Variants in SLC5A11 observed in about 807,000 individuals in gnomAD.
The protein encoded by SLC5A11 is solute carrier family 5 member 11.
SLC5A11 carries 48 observed loss-of-function variants against 69.8 expected under a neutral mutation model. The observed-to-expected ratio is 0.69, with a 90% CI of 0.55 to 0.87. SLC5A11 has a LOEUF of 0.87. Among genes scored for constraint, SLC5A11 ranks in the 40% least tolerant of loss-of-function variants. The pLI is 0.00. For missense variants in SLC5A11, 784 were observed against 866.1 expected (o/e 0.91, Z 1.19); for synonymous variants, 319 against 342.4 (o/e 0.93, Z 0.75).
rs1379401318 is a variant in SLC5A11, at chr16:24,906,861, C to T, written c.1114+97C>T. 2.2e-6 allele frequency: 3 copies of T among 1,389,550 alleles called. No homozygotes were observed. The African/African-American group carries it at 4.3e-5, about 20-fold the overall frequency. The allele number at this position is 1,389,550 out of a possible 1,614,324, so 86.1% of individuals were successfully genotyped here. ...CCAAGGCAGGGTCAAGAAAGGAGGG[C>T]TGGTGGGGGAGGAAGACTCTGGGCT... is the stretch of plus-strand genomic sequence containing the variant. On this transcript the variant is annotated intron_variant, in intron 11 of 15. Transcript: ENST00000347898.
chr16:24,898,435 C>G (rs1012365411), intron 10 of SLC5A11, among the ~76,000 whole-genome samples: 2 of 151,928 alleles, frequency 1.3e-5, no homozygotes, highest in African/African-American at 4.8e-5. Context: ...GTCTTGAACT[C>G]CTGGCCTCAA....
At chr16:24,876,450 G>A (rs2047680026) in intron 6 of SLC5A11, among the ~76,000 whole-genome samples, 1 of 152,136 alleles carries the variant, frequency 6.6e-6, no homozygotes, top group South Asian at 2.1e-4. Context: ...CTTTGGATGG[G>A]CAGATCTCCT....
At chr16:24,905,640 G>GCGCACGCACACACA (rs1443035551) in intron 10 of SLC5A11, among the ~76,000 whole-genome samples, 1 of 136,698 alleles carries the variant, frequency 7.3e-6, no homozygotes, top group African/African-American at 2.8e-5. Flanking sequence ...GCGCGCGCGC[G>GCGCACGCACACACA]CACACACACA....
chr16:24,854,043 G>A (rs988991255), intron 1 of SLC5A11, among the ~76,000 whole-genome samples: 3 of 151,960 alleles, frequency 2.0e-5, no homozygotes, highest in African/African-American at 4.8e-5. Flanking sequence ...TGCCAGTTTC[G>A]CCGGCTGTGG....
chr16:24,883,044 TACTC>T (rs1186625875), intron 7 of SLC5A11, among the ~76,000 whole-genome samples: 7 of 152,136 alleles, frequency 4.6e-5, no homozygotes, highest in African/African-American at 1.7e-4. Context: ...GAATACCTAA[TACTC>T]ACATCCTTTA....
At chr16:24,887,870 G>C (rs2152353745) in intron 8 of SLC5A11, among the ~76,000 whole-genome samples, 1 of 152,180 alleles carries the variant, frequency 6.6e-6, no homozygotes, top group Admixed American at 6.6e-5. Flanking sequence ...ATAAACGGGG[G>C]ATAAGTAATT....
intron 12 of SLC5A11, among the ~76,000 whole-genome samples, chr16:24,907,571 G>A (rs2152420435): frequency 6.6e-6 from 1 of 152,186 alleles, no homozygotes; most frequent in Non-Finnish European, 1.5e-5. Flanking sequence ...AATTAGCTGT[G>A]GTGGCGTGTG....
At chr16:24,884,840 A>C (rs953668425) in intron 8 of SLC5A11, among the ~76,000 whole-genome samples, 2 of 152,036 alleles carry the variant, frequency 1.3e-5, no homozygotes, top group Non-Finnish European at 2.9e-5. Flanking sequence ...TCCTGGGCTC[A>C]AGCAATCCTC....
intron 8 of SLC5A11, among the ~76,000 whole-genome samples, chr16:24,886,846 G>T (rs2152350855): frequency 6.6e-6 from 1 of 152,220 alleles, no homozygotes; most frequent in East Asian, 1.9e-4. Context: ...GGGGACTGGA[G>T]GATCAGGGAG....
chr16:24,872,616 C>T (rs1452015685), intron 5 of SLC5A11, among the ~76,000 whole-genome samples: 10 of 151,960 alleles, frequency 6.6e-5, no homozygotes, highest in Non-Finnish European at 1.3e-4. Flanking sequence ...AATCTTGGCT[C>T]ACCTGGTCTC....
intron 1 of SLC5A11, chr16:24,846,754 A>G (rs1389349392): frequency 1.3e-5 from 2 of 152,236 alleles, no homozygotes; most frequent in African/African-American, 4.8e-5. Flanking sequence ...AAATGGGAAT[A>G]TGAACCTCAG....
intron 5 of SLC5A11, among the ~76,000 whole-genome samples, chr16:24,874,722 G>A (rs896390403): frequency 5.3e-5 from 8 of 151,964 alleles, no homozygotes; most frequent in African/African-American, 1.9e-4. Flanking sequence ...CCCAGTAGCT[G>A]GGACTACAGC....
chr16:24,895,572 G>C (rs2049101205), intron 9 of SLC5A11, among the ~76,000 whole-genome samples: 1 of 139,210 alleles, frequency 7.2e-6, no homozygotes, highest in African/African-American at 2.6e-5. Context: ...GAGGGGAGGG[G>C]AAGGGAGGGA....
intron 1 of SLC5A11, among the ~76,000 whole-genome samples, chr16:24,858,085 G>A (rs1439593973): frequency 1.3e-5 from 2 of 152,180 alleles, no homozygotes; most frequent in Non-Finnish European, 2.9e-5. Context: ...GATAACAATA[G>A]TGCCCACTTT....
At chr16:24,901,983 T>C (rs909160038) in intron 10 of SLC5A11, among the ~76,000 whole-genome samples, 28 of 128,768 alleles carry the variant, frequency 2.2e-4, no homozygotes, top group African/African-American at 4.0e-4. Flanking sequence ...CACACACACA[T>C]ATATAGTAGT....
intron 1 of SLC5A11, among the ~76,000 whole-genome samples, chr16:24,853,111 G>A (rs2059384222): frequency 6.6e-6 from 1 of 150,920 alleles, no homozygotes; most frequent in South Asian, 2.1e-4. Flanking sequence ...CCTAATGTTT[G>A]TTCTACTGAG....
intron 8 of SLC5A11, among the ~76,000 whole-genome samples, chr16:24,890,174 G>A (rs752027686): frequency 2.0e-5 from 3 of 152,164 alleles, no homozygotes; most frequent in Non-Finnish European, 4.4e-5. Flanking sequence ...GACAAGTGTA[G>A]ATGATTTTAG....
intron 7 of SLC5A11, among the ~76,000 whole-genome samples, chr16:24,880,581 G>A (rs1294982153): frequency 2.0e-5 from 3 of 152,222 alleles, no homozygotes; most frequent in East Asian, 1.9e-4. Flanking sequence ...TGATCTGCCC[G>A]CTTCGGCCTC....
At chr16:24,862,057 T>C (rs1054997257) in intron 2 of SLC5A11, 1 of 152,244 alleles carries the variant, frequency 6.6e-6, no homozygotes, top group African/African-American at 2.4e-5. Context: ...GATATTGAAC[T>C]TCCAAGTCTC....
Sources: gnomAD v4.1 joint callset for allele counts (sites outside exome capture counted in the v4.1 genomes callset) on GRCh38, gnomAD v4.1.1 for gene constraint, MANE v1.5 for transcripts, NCBI Gene and HGNC (gene_info 2026-07-23, HGNC 2026-07-21) for gene names.